The following SPATA6 variants were observed in gnomAD, a reference collection of about 807,000 sequenced individuals.
SPATA6 encodes the protein spermatogenesis associated 6.
In SPATA6, 56 loss-of-function variants were observed where a neutral mutation model predicts 65.3. The ratio of observed to expected loss-of-function variants is 0.86; its 90% confidence interval spans 0.69 to 1.07. SPATA6 has a LOEUF of 1.07. Ranked by LOEUF, SPATA6 falls within the 50% of genes least tolerant of loss-of-function variation. The pLI is 0.00. For missense variants in SPATA6, 590 were observed against 594.8 expected, an observed-to-expected ratio of 0.99 and a Z score of 0.08; for synonymous variants, 199 against 213.2, an observed-to-expected ratio of 0.93 and a Z score of 0.58.
At chr1:48,396,362 C>T (rs1030048963) in intron 7 of SPATA6, among the ~76,000 whole-genome samples, 1 of 151,722 alleles carries the variant, frequency 6.6e-6, no homozygotes, top group African/African-American at 2.4e-5. Flanking sequence ...CCATATGACT[C>T]AGCAATTTTT....
intron 3 of SPATA6, among the ~76,000 whole-genome samples, chr1:48,442,505 G>A (rs1001095809): frequency 6.6e-6 from 1 of 151,550 alleles, no homozygotes; most frequent in African/African-American, 2.4e-5. Context: ...GCAGAGGCAG[G>A]GAAAGACCAG....
At chr1:48,393,745 C>T (rs2147903436) in intron 8 of SPATA6, among the ~76,000 whole-genome samples, 1 of 152,178 alleles carries the variant, frequency 6.6e-6, no homozygotes, top group Non-Finnish European at 1.5e-5. Flanking sequence ...AGGGTGCCAG[C>T]ATGGTCAGGT....
chr1:48,332,823 G>C (rs1645954164), intron 11 of SPATA6, among the ~76,000 whole-genome samples: 1 of 152,062 alleles, frequency 6.6e-6, no homozygotes, highest in Admixed American at 6.6e-5. Flanking sequence ...CATGCAATAA[G>C]ACATAAGACA....
Position 48,444,361 on chromosome 1 carries a change from A to G in SPATA6, c.238+7191T>C, listed in dbSNP as rs528585002. ...TCAGCACTCTGGGTCCAGCTGAAGGACTGTAAATGCACCAATCAGCACTCT... is the reference window on the plus strand; with the variant it reads ...TCAGCACTCTGGGTCCAGCTGAAGGGCTGTAAATGCACCAATCAGCACTCT... On this transcript the variant is annotated intron_variant, in intron 3 of 12. Transcript: ENST00000371847. 6.6e-5 allele frequency among the ~76,000 whole-genome samples: 10 copies of G among 151,788 alleles called. No individual in the cohort carries two copies. The East Asian group carries it at 1.9e-3, about 30-fold the overall frequency.
chr1:48,414,127 T>C (rs562433121), intron 3 of SPATA6, among the ~76,000 whole-genome samples: 4 of 152,270 alleles, frequency 2.6e-5, no homozygotes, highest in African/African-American at 9.6e-5. Flanking sequence ...CCTGAACTGA[T>C]GAATTGCTGG....
At chr1:48,443,389 C>A (rs114714333) in intron 3 of SPATA6, among the ~76,000 whole-genome samples, 2 of 152,140 alleles carry the variant, frequency 1.3e-5, no homozygotes, top group Non-Finnish European at 2.9e-5. Flanking sequence ...AACTAATATC[C>A]CTACTTATAG....
intron 11 of SPATA6, among the ~76,000 whole-genome samples, chr1:48,345,097 T>G (rs1310590897): frequency 1.3e-5 from 2 of 152,122 alleles, no homozygotes; most frequent in Non-Finnish European, 2.9e-5. Flanking sequence ...TAGCACATAT[T>G]CTAAAATTCA....
chr1:48,336,557 C>A (rs916051559), intron 11 of SPATA6, among the ~76,000 whole-genome samples: 2 of 151,818 alleles, frequency 1.3e-5, no homozygotes, highest in Admixed American at 1.3e-4. Flanking sequence ...CATGTTCTCA[C>A]CTATAAGTGA....
the SPATA6 span, among the ~76,000 whole-genome samples, chr1:48,278,848 T>A: frequency 1.3e-5 from 2 of 152,064 alleles, no homozygotes; most frequent in Non-Finnish European, 2.9e-5. Context: ...AAGATACTCC[T>A]CGAGAAGAGC....
rs151265428 is a variant in SPATA6, at chr1:48,355,014, C to G, written c.1194+656G>C. ...AAGGTCATATAAACCCCTTATACCC[C>G]CCCAAGACTAATCTTAGTGTCCAGC... On this transcript the variant is annotated intron_variant, in intron 11 of 12. Transcript: ENST00000371847. 4.0e-3 allele frequency among the ~76,000 whole-genome samples: 610 copies of G among 152,062 alleles called. 7 individuals are homozygous for G. In the South Asian group the frequency reaches 0.044, roughly 11 times the overall value.
chr1:48,409,439 C>T (rs578126470), intron 5 of SPATA6, among the ~76,000 whole-genome samples: 1 of 152,164 alleles, frequency 6.6e-6, no homozygotes, highest in Non-Finnish European at 1.5e-5. Context: ...TTTTTCCAGG[C>T]ACATGGTGCA....
chr1:48,454,206 A>G (rs1416405686), intron 1 of SPATA6, among the ~76,000 whole-genome samples: 1 of 152,106 alleles, frequency 6.6e-6, no homozygotes, highest in East Asian at 1.9e-4. Context: ...GTGATCAACT[A>G]CACCCTCAGC....
chr1:48,282,596 A>C, the SPATA6 span, among the ~76,000 whole-genome samples: 1 of 152,230 alleles, frequency 6.6e-6, no homozygotes. Context: ...GCTCACCATC[A>C]CTGGCCATCA....
intron 3 of SPATA6, among the ~76,000 whole-genome samples, chr1:48,416,995 C>G (rs1271115472): frequency 6.6e-6 from 1 of 152,070 alleles, no homozygotes; most frequent in Non-Finnish European, 1.5e-5. Flanking sequence ...AACATCATAC[C>G]AAGTGGTGAA....
At chr1:48,320,504 T>C (rs1474305669) in intron 11 of SPATA6, among the ~76,000 whole-genome samples, 3 of 152,190 alleles carry the variant, frequency 2.0e-5, no homozygotes, top group African/African-American at 7.2e-5. Context: ...TGTAGAATAG[T>C]ATATCTGGCA....
At chr1:48,365,891 C>A (rs890599159) in intron 9 of SPATA6, among the ~76,000 whole-genome samples, 2 of 151,972 alleles carry the variant, frequency 1.3e-5, no homozygotes, top group East Asian at 1.9e-4. Flanking sequence ...AGGGAATGTT[C>A]CCAGTTTTTG....
intron 12 of SPATA6, among the ~76,000 whole-genome samples, chr1:48,299,225 T>C (rs1644871880): frequency 1.3e-5 from 2 of 151,842 alleles, no homozygotes; most frequent in African/African-American, 4.8e-5. Context: ...AGTATAAGAA[T>C]GCACAGCCCA....
intron 11 of SPATA6, chr1:48,325,251 G>A: frequency 1.2e-6 from 1 of 812,300 alleles, no homozygotes; most frequent in East Asian, 2.4e-5. Context: ...GCAAGGTTTG[G>A]ATATGGCATA....
chr1:48,305,519 A>T (rs191952707), intron 12 of SPATA6, among the ~76,000 whole-genome samples: 25 of 152,228 alleles, frequency 1.6e-4, no homozygotes, highest in African/African-American at 4.6e-4. Flanking sequence ...ACTATTTTTT[A>T]TATTAAAATA....
Sources: gnomAD v4.1 joint callset for allele counts (sites outside exome capture counted in the v4.1 genomes callset) on GRCh38, gnomAD v4.1.1 for gene constraint, MANE v1.5 for transcripts, NCBI Gene and HGNC (gene_info 2026-07-23, HGNC 2026-07-21) for gene names.